The following NMNAT2 variants were observed in gnomAD, a reference collection of about 807,000 sequenced individuals.
The protein encoded by NMNAT2 is nicotinamide/nicotinic acid mononucleotide adenylyltransferase 2.
NMNAT2 carries 11 observed loss-of-function variants against 41.6 expected under a neutral mutation model. The ratio of observed to expected loss-of-function variants is 0.26; its 90% CI spans 0.17 to 0.44. The LOEUF (loss-of-function observed/expected upper bound fraction) is 0.44, where lower values mean the gene tolerates loss of function less well. Among genes scored for constraint, NMNAT2 ranks in the 20% least tolerant of loss-of-function variants. NMNAT2 has a pLI of 1.00. For synonymous variants in NMNAT2, 148 were observed against 151.2 expected (o/e 0.98, Z 0.16); for missense variants, 288 against 407.7 (o/e 0.71, Z 2.53).
intron 1 of NMNAT2, among the ~76,000 whole-genome samples, chr1:183,380,149 A>C (rs926023617): frequency 2.6e-5 from 4 of 152,220 alleles, no homozygotes; most frequent in Admixed American, 2.0e-4. Context: ...AGGTTTCAGA[A>C]CTAGGAAAGT....
chr1:183,389,854 GAA>G (rs1648414679), intron 1 of NMNAT2, among the ~76,000 whole-genome samples: 5 of 64,306 alleles, frequency 7.8e-5, no homozygotes, highest in African/African-American at 2.6e-4. Context: ...GGAAAAAAGA[GAA>G]AGAAAGAAAG....
intron 8 of NMNAT2, among the ~76,000 whole-genome samples, chr1:183,274,700 G>A (rs1167052309): frequency 6.6e-6 from 1 of 151,610 alleles, no homozygotes; most frequent in African/African-American, 2.4e-5. Flanking sequence ...GGGAGGCGGA[G>A]GTGGGAGGAT....
intron 8 of NMNAT2, among the ~76,000 whole-genome samples, chr1:183,269,088 A>G (rs1465173337): frequency 2.6e-5 from 4 of 152,164 alleles, no homozygotes; most frequent in Non-Finnish European, 5.9e-5. Flanking sequence ...AAATAAATAA[A>G]AAGAAAACAT....
chr1:183,315,133 C>T (rs1456140331), intron 1 of NMNAT2, among the ~76,000 whole-genome samples: 3 of 152,160 alleles, frequency 2.0e-5, no homozygotes, highest in Non-Finnish European at 4.4e-5. Flanking sequence ...GATCATTGGT[C>T]TATCTCAACA....
rs76195322 is a variant in NMNAT2, at chr1:183,262,253, G to T, written c.652-950C>A. ...GCCAAAACCTTCTTTTCGTTTAAAA[G>T]AAATAACATTTTTATTTTCTGACTG... On this transcript the variant is annotated intron_variant, in intron 8 of 10. Transcript: ENST00000287713. Among the ~76,000 whole-genome samples, 120 of 148,312 alleles carry T rather than the reference G, an allele frequency of 8.1e-4. 1 individual carries two copies. The East Asian group carries it at 0.02, about 25-fold the overall frequency.
chr1:183,408,681 C>G (rs987377597), intron 1 of NMNAT2, among the ~76,000 whole-genome samples: 27 of 152,146 alleles, frequency 1.8e-4, no homozygotes, highest in Admixed American at 1.8e-3. Flanking sequence ...TCTTTGTCAA[C>G]ACTGTTAACA....
At chr1:183,321,329 A>G (rs778144769) in intron 1 of NMNAT2, among the ~76,000 whole-genome samples, 1 of 152,252 alleles carries the variant, frequency 6.6e-6, no homozygotes, top group Non-Finnish European at 1.5e-5. Context: ...AAAGAAAAGC[A>G]GGACCAGAGG....
At chr1:183,388,926 G>A (rs1264583711) in intron 1 of NMNAT2, among the ~76,000 whole-genome samples, 1 of 152,166 alleles carries the variant, frequency 6.6e-6, no homozygotes, top group Admixed American at 6.5e-5. Context: ...GTTCTTGCCA[G>A]CCAACCTTGA....
chr1:183,294,065 G>A (rs1661616525), intron 1 of NMNAT2, among the ~76,000 whole-genome samples: 1 of 152,180 alleles, frequency 6.6e-6, no homozygotes, highest in African/African-American at 2.4e-5. Context: ...TAGCTCAGAA[G>A]GATTTAAAAC....
chr1:183,254,856 A>G (rs1660477850), intron 10 of NMNAT2, among the ~76,000 whole-genome samples: 1 of 152,094 alleles, frequency 6.6e-6, no homozygotes, highest in South Asian at 2.1e-4. Flanking sequence ...TTTTTTCTCA[A>G]TCCCTAGGTT....
intron 1 of NMNAT2, among the ~76,000 whole-genome samples, chr1:183,301,662 G>T (rs16860763): frequency 0.19 from 28,521 of 152,184 alleles, 2,871 homozygotes; most frequent in East Asian, 0.37. Context: ...CTCATTCCAG[G>T]CCACTTGGAA....
At chr1:183,325,564 A>AGTAG (rs1662443803) in intron 1 of NMNAT2, among the ~76,000 whole-genome samples, 1 of 152,250 alleles carries the variant, frequency 6.6e-6, no homozygotes, top group Non-Finnish European at 1.5e-5. Flanking sequence ...AAAATGGCTC[A>AGTAG]GTAGACCCAA....
intron 8 of NMNAT2, among the ~76,000 whole-genome samples, chr1:183,261,557 G>T (rs1405363712): frequency 6.6e-6 from 1 of 152,192 alleles, no homozygotes; most frequent in Non-Finnish European, 1.5e-5. Context: ...AGGAATCAGT[G>T]AACTCTTATA....
intron 1 of NMNAT2, among the ~76,000 whole-genome samples, chr1:183,370,158 C>T (rs1433222376): frequency 6.7e-6 from 1 of 148,154 alleles, no homozygotes; most frequent in Non-Finnish European, 1.5e-5. Flanking sequence ...AGAAAAAGAG[C>T]CTGGGATGAT....
chr1:183,358,954 T>C (rs1237769141), intron 1 of NMNAT2, among the ~76,000 whole-genome samples: 1 of 152,112 alleles, frequency 6.6e-6, no homozygotes, highest in South Asian at 2.1e-4. Context: ...TAAGCAAGTG[T>C]TGATTTGAAG....
intron 1 of NMNAT2, among the ~76,000 whole-genome samples, chr1:183,325,090 G>A (rs1662434767): frequency 6.6e-6 from 1 of 152,172 alleles, no homozygotes. Flanking sequence ...TATGTGACTG[G>A]GGGCCCTGGC....
intron 1 of NMNAT2, among the ~76,000 whole-genome samples, chr1:183,368,876 G>A (rs956433692): frequency 1.3e-5 from 2 of 152,212 alleles, no homozygotes; most frequent in Non-Finnish European, 2.9e-5. Context: ...GTGAGTCTGT[G>A]CAAAATGGGG....
At chr1:183,353,705 G>T (rs1237101464) in intron 1 of NMNAT2, among the ~76,000 whole-genome samples, 1 of 152,138 alleles carries the variant, frequency 6.6e-6, no homozygotes, top group African/African-American at 2.4e-5. Flanking sequence ...AGTAGCAGTT[G>T]ACTCACCCAC....
At chr1:183,358,879 T>G (rs1232404060) in intron 1 of NMNAT2, among the ~76,000 whole-genome samples, 2 of 152,168 alleles carry the variant, frequency 1.3e-5, no homozygotes, top group African/African-American at 4.8e-5. Flanking sequence ...TCCAAGCCAG[T>G]CCTACTCACT....
Sources: allele counts gnomAD v4.1 joint callset (sites outside exome capture counted in the v4.1 genomes callset), GRCh38; gene constraint gnomAD v4.1.1; transcripts MANE v1.5; gene names NCBI Gene and HGNC (gene_info 2026-07-23, HGNC 2026-07-21).